The following NUCKS1 variants were observed in gnomAD, a reference collection of about 807,000 sequenced individuals.
The protein encoded by NUCKS1 is nuclear casein kinase and cyclin dependent kinase substrate 1.
In NUCKS1, 2 loss-of-function variants were observed where a neutral mutation model predicts 33.0. The ratio of observed to expected loss-of-function variants is 0.06; its 90% confidence interval spans 0.02 to 0.19. The LOEUF is 0.19. Among genes scored for constraint, NUCKS1 ranks in the 10% least tolerant of loss-of-function variants. NUCKS1 has a pLI of 1.00. For synonymous variants in NUCKS1, 106 were observed against 102.8 expected (o/e 1.03, Z -0.19); for missense variants, 201 against 293.6 (o/e 0.68, Z 2.31).
intron 3 of NUCKS1, among the ~76,000 whole-genome samples, chr1:205,725,506 TATAA>T (rs1378867479): frequency 6.6e-6 from 1 of 152,222 alleles, no homozygotes; most frequent in African/African-American, 2.4e-5. Context: ...GACTGTTCTG[TATAA>T]ATGTTTTTTA....
intron 1 of NUCKS1, among the ~76,000 whole-genome samples, chr1:205,732,910 T>C (rs1262837961): frequency 2.0e-5 from 3 of 152,118 alleles, no homozygotes; most frequent in Non-Finnish European, 2.9e-5. Flanking sequence ...TGGAAATGCC[T>C]GCCATGTTCT....
chr1:205,723,899 C>A, intron 4 of NUCKS1, 27 bp downstream of exon 4: 1 of 1,447,210 alleles, frequency 6.9e-7, no homozygotes, highest in Non-Finnish European at 9.7e-7. Context: ...TATAATTATA[C>A]CTCTTACATT....
intron 1 of NUCKS1, among the ~76,000 whole-genome samples, chr1:205,731,674 G>A (rs761622178): frequency 9.9e-5 from 15 of 152,184 alleles, no homozygotes; most frequent in African/African-American, 2.2e-4. Flanking sequence ...GGCAGATCAC[G>A]AGGTCAGGAG....
At chr1:205,740,657 T>C (rs1270928058) in intron 1 of NUCKS1, among the ~76,000 whole-genome samples, 2 of 151,742 alleles carry the variant, frequency 1.3e-5, no homozygotes, top group Admixed American at 1.3e-4. Context: ...AGCCACAAGA[T>C]ATGAGAAAGC....
At chr1:205,745,037 AT>A (rs1195307081) in intron 1 of NUCKS1, among the ~76,000 whole-genome samples, 2 of 152,110 alleles carry the variant, frequency 1.3e-5, no homozygotes, top group Non-Finnish European at 2.9e-5. Context: ...GGAATTCCAC[AT>A]TTTTCAAAAA....
At chr1:205,738,143 A>G (rs979942640) in intron 1 of NUCKS1, among the ~76,000 whole-genome samples, 1 of 152,062 alleles carries the variant, frequency 6.6e-6, no homozygotes, top group Non-Finnish European at 1.5e-5. Context: ...CTCCTGCCTC[A>G]GCCTCCCCAA....
At chr1:205,727,556 G>A (rs1481064292) in intron 3 of NUCKS1, 144 bp downstream of exon 3, 1 of 652,342 alleles carries the variant, frequency 1.5e-6, no homozygotes, top group African/African-American at 1.8e-5. Context: ...CACAGCCTGA[G>A]ATAATATGAA....
At chr1:205,733,303 T>C (rs1653960188) in intron 1 of NUCKS1, among the ~76,000 whole-genome samples, 1 of 152,188 alleles carries the variant, frequency 6.6e-6, no homozygotes, top group South Asian at 2.1e-4. Flanking sequence ...TGGGAAAACA[T>C]GTTAGCTACT....
At position 205,750,121 on chromosome 1, in the gene NUCKS1, T is replaced by A; in HGVS notation, c.-148A>T. 1 of 771,536 alleles carries A rather than the reference T, an allele frequency of 1.3e-6. No homozygotes were observed. The highest frequency in any genetic ancestry group is 2.1e-6 in the Non-Finnish European group (1 of 470,942). 47.8% of individuals were successfully genotyped at this position (771,536 alleles called of 1,614,324 possible). ...CTGCTGGCTTCTCAAACTCCGCTGC[T>A]CTTTGGTTCAGGGCTCCTGGAACAG... On this transcript the variant is annotated 5_prime_UTR_variant, in exon 1 of 7. Transcript: ENST00000367142.
At chr1:205,741,089 A>T (rs1034801806) in intron 1 of NUCKS1, among the ~76,000 whole-genome samples, 1 of 151,576 alleles carries the variant, frequency 6.6e-6, no homozygotes, top group South Asian at 2.1e-4. Flanking sequence ...ACTTGAGGTC[A>T]GGAGATGCAG....
chr1:205,729,722 C>T, intron 1 of NUCKS1, 101 bp from the exon 2 acceptor site: 2 of 916,074 alleles, frequency 2.2e-6, no homozygotes, highest in Admixed American at 2.0e-5. Flanking sequence ...TGAACTAGCA[C>T]TTTGAAAATT....
chr1:205,742,726 G>C (rs933100277), intron 1 of NUCKS1, among the ~76,000 whole-genome samples: 54 of 152,344 alleles, frequency 3.5e-4, no homozygotes, highest in Admixed American at 9.8e-4. Context: ...TCGCGAGGCT[G>C]AGGCGGGAGA....
At chr1:205,745,294 A>C (rs151198349) in intron 1 of NUCKS1, among the ~76,000 whole-genome samples, 67 of 152,204 alleles carry the variant, frequency 4.4e-4, no homozygotes, top group African/African-American at 5.8e-4. Context: ...ACTTTTAACT[A>C]TCTCTCTCAG....
intron 2 of NUCKS1, among the ~76,000 whole-genome samples, chr1:205,728,884 C>G (rs902774386): frequency 2.6e-5 from 4 of 152,108 alleles, no homozygotes; most frequent in Non-Finnish European, 2.9e-5. Context: ...ATACAAGGCA[C>G]AAGTTTTATT....
Position 205,750,037 on chromosome 1 carries a change from C to T in NUCKS1, c.-64G>A, listed in dbSNP as rs771827315. The T allele has an allele frequency of 9.5e-7, 1 of 1,056,662 alleles. No homozygotes were observed. The highest frequency in any genetic ancestry group is 1.7e-5 in the South Asian group (1 of 58,390). The allele number at this position is 1,056,662 out of a possible 1,614,324, so 65.5% of individuals were successfully genotyped here. A position where few individuals can be genotyped will look rare whatever the true frequency, so the allele number is the denominator to read the frequency against. On this transcript the variant is annotated 5_prime_UTR_variant, in exon 1 of 7. Coordinates refer to ENST00000367142, the MANE Select transcript of NUCKS1 (RefSeq NM_022731.5). ...ACCAGGACCCCCCCCACCCCGCGCG[C>T]TCGGCGCCCCACCCCCCCCGAACTT...
At position 205,715,267 on chromosome 1, in the gene NUCKS1, T is replaced by C. The variant is rs1671803144; in HGVS notation, c.*3013A>G. On this transcript the variant is annotated 3_prime_UTR_variant, in exon 7 of 7. Transcript: ENST00000367142. ...TTGAACTGGGGCAAACAGGTTATTG[T>C]GAAAACAGTCAATATGTAAGCTCCT... 3 of 152,228 alleles carry C rather than the reference T, an allele frequency of 2.0e-5. No individual in the cohort carries two copies. The highest frequency in any genetic ancestry group is 7.2e-5 in the African/African-American group (3 of 41,458). 9.4% of individuals were successfully genotyped at this position (152,228 alleles called of 1,614,324 possible).
intron 1 of NUCKS1, among the ~76,000 whole-genome samples, chr1:205,744,616 C>G (rs1461867919): frequency 7.2e-6 from 1 of 138,774 alleles, no homozygotes; most frequent in African/African-American, 2.7e-5. Flanking sequence ...GTGAAAATTC[C>G]TAAGTTCACT....
At chr1:205,720,682 T>C (rs370930661) in intron 4 of NUCKS1, 29 bp from the exon 5 acceptor site, 35 of 1,567,528 alleles carry the variant, frequency 2.2e-5, no homozygotes, top group Non-Finnish European at 3.0e-5. Context: ...CATGATATAA[T>C]GATTAAAGAA....
chr1:205,736,703 C>A (rs558951738), intron 1 of NUCKS1, among the ~76,000 whole-genome samples: 1 of 151,886 alleles, frequency 6.6e-6, no homozygotes, highest in Admixed American at 6.6e-5. Flanking sequence ...TGGTTGTAGG[C>A]GCCTGTAATC....
Sources: allele counts gnomAD v4.1 joint callset (sites outside exome capture counted in the v4.1 genomes callset), GRCh38; gene constraint gnomAD v4.1.1; transcripts MANE v1.5; gene names NCBI Gene and HGNC (gene_info 2026-07-23, HGNC 2026-07-21).